The following TTC33 variants were observed in gnomAD, a reference collection of about 807,000 sequenced individuals.
TTC33 encodes tetratricopeptide repeat domain 33.
A neutral mutation model predicts 29.4 loss-of-function variants in TTC33; 24 were observed. The ratio of observed to expected loss-of-function variants is 0.82; its 90% confidence interval spans 0.59 to 1.15. The LOEUF (loss-of-function observed/expected upper bound fraction) is 1.15. Among genes scored for constraint, TTC33 ranks in the 50% most tolerant of loss-of-function variants. The pLI is 0.00. For missense variants in TTC33, 286 were observed against 310.4 expected (o/e 0.92, Z 0.59); for synonymous variants, 107 against 100.3 (o/e 1.07, Z -0.40).
intron 4 of TTC33, among the ~76,000 whole-genome samples, chr5:40,718,736 T>G (rs1415078990): frequency 6.7e-6 from 1 of 148,472 alleles, no homozygotes; most frequent in African/African-American, 2.5e-5. Context: ...AGATTCCGTC[T>G]CGAAAAAAAA....
intron 1 of TTC33, among the ~76,000 whole-genome samples, chr5:40,749,055 G>A (rs1006414657): frequency 6.6e-6 from 1 of 152,092 alleles, no homozygotes; most frequent in Admixed American, 6.5e-5. Context: ...GAACCCGGGA[G>A]GCGGAGGTTG....
intron 1 of TTC33, among the ~76,000 whole-genome samples, chr5:40,755,523 G>C (rs1398497697): frequency 1.3e-5 from 2 of 152,286 alleles, no homozygotes; most frequent in East Asian, 3.9e-4. Context: ...CCGTCCCACC[G>C]CTCAGGGAAG....
In TTC33 at chr5:40,728,443, C is replaced by G. The variant is rs750667702; in HGVS notation, c.337G>C (p.Val113Leu). Reference sequence around the variant, plus strand: ...TGGACGGCCATTTCTGCTGCATGTACTGCTGGGAACATTTCATGAAGAGAC... The same window carrying G: ...TGGACGGCCATTTCTGCTGCATGTAGTGCTGGGAACATTTCATGAAGAGAC... The part of the protein sequence containing the change: ...LMSLHEMFPA[V>L]HAAEMAVQQN... The change falls in exon 4 of 5, where the codon GTA (valine) becomes CTA (leucine). Residue 113 changes from valine (V) to leucine (L), a missense_variant. Val to Leu is a conservative substitution (Grantham distance 32). Transcript: ENST00000337702. 41 of 1,612,512 alleles carry G rather than the reference C, an allele frequency of 2.5e-5. No homozygotes were observed. Among genetic ancestry groups the G allele is most frequent in the Non-Finnish European group, 3.4e-5 (40 of 1,179,598 alleles).
At chr5:40,727,325 C>T (rs999055903) in intron 4 of TTC33, among the ~76,000 whole-genome samples, 5 of 152,116 alleles carry the variant, frequency 3.3e-5, no homozygotes, top group Admixed American at 2.0e-4. Context: ...AAATTTGGCA[C>T]TGTATATTAG....
At chr5:40,734,143 A>G (rs745793776) in intron 2 of TTC33, among the ~76,000 whole-genome samples, 5 of 152,174 alleles carry the variant, frequency 3.3e-5, no homozygotes, top group Non-Finnish European at 7.3e-5. Context: ...ACTATCATCA[A>G]CTTATTCAAT....
chr5:40,736,280 T>C (rs887644705), intron 2 of TTC33, among the ~76,000 whole-genome samples: 2 of 152,248 alleles, frequency 1.3e-5, no homozygotes, highest in African/African-American at 2.4e-5. Context: ...AAAACCACTG[T>C]CATTAAATAT....
chr5:40,737,873 T>C (rs1270084236), intron 2 of TTC33, among the ~76,000 whole-genome samples: 1 of 152,212 alleles, frequency 6.6e-6, no homozygotes, highest in African/African-American at 2.4e-5. Flanking sequence ...CCTTAGCATG[T>C]TTCTGAGATG....
chr5:40,737,987 TG>T (rs1417674208), intron 2 of TTC33, among the ~76,000 whole-genome samples: 2 of 152,256 alleles, frequency 1.3e-5, no homozygotes, highest in Non-Finnish European at 2.9e-5. Context: ...TCCCAGTTCA[TG>T]GACACTATTA....
chr5:40,754,135 T>C (rs147628340), intron 1 of TTC33, among the ~76,000 whole-genome samples: 2 of 152,142 alleles, frequency 1.3e-5, no homozygotes, highest in Admixed American at 6.5e-5. Flanking sequence ...CAACCATATG[T>C]GAAAAAACCA....
In TTC33 at chr5:40,734,454, T is replaced by A. The variant is rs576151079; in HGVS notation, c.222-4111A>T. 2.0e-5 allele frequency among the ~76,000 whole-genome samples: 3 copies of A among 152,304 alleles called. No individual in the cohort carries two copies. In the South Asian group the frequency reaches 6.2e-4, roughly 32 times the overall value. ...CAGTTTAAGGACAATCTTAACAGTA[T>A]GCAACTGAAGTAGCACAAGGAAGGA... is the stretch of plus-strand genomic sequence containing the variant. On this transcript the variant is annotated intron_variant, in intron 2 of 4. Transcript: ENST00000337702.
intron 4 of TTC33, among the ~76,000 whole-genome samples, chr5:40,722,720 G>A (rs1692252): frequency 0.33 from 49,332 of 151,024 alleles, 8,529 homozygotes; most frequent in East Asian, 0.56. Context: ...CCAGCGCCCC[G>A]TCCGGGAGGT....
At chr5:40,724,665 CAG>C (rs764712008) in intron 4 of TTC33, among the ~76,000 whole-genome samples, 5 of 151,116 alleles carry the variant, frequency 3.3e-5, no homozygotes, top group Non-Finnish European at 7.4e-5. Context: ...CAAAAAAAAA[CAG>C]AACAATAATA....
intron 2 of TTC33, among the ~76,000 whole-genome samples, chr5:40,730,767 G>A (rs1352241589): frequency 6.6e-6 from 1 of 152,046 alleles, no homozygotes; most frequent in East Asian, 1.9e-4. Flanking sequence ...ACTTACTAAA[G>A]TACAAAATCC....
rs1470993251 is a variant in TTC33 at position 40,712,902 on chromosome 5, C to A, written c.*3243G>T. On this transcript the variant is annotated 3_prime_UTR_variant, in exon 5 of 5. Transcript: ENST00000337702. ...ATGTTACAGTAGCTTTAGGGCCACACTTCTTCTTCCGAAGTAACCATATTT... is the reference window on the plus strand; with the variant it reads ...ATGTTACAGTAGCTTTAGGGCCACAATTCTTCTTCCGAAGTAACCATATTT... 6.6e-6 allele frequency among the ~76,000 whole-genome samples: 1 copy of A among 152,144 alleles called. No homozygotes were observed. The highest frequency in any genetic ancestry group is 2.4e-5 in the African/African-American group (1 of 41,444).
At chr5:40,747,648 T>A (rs1374191593) in intron 1 of TTC33, among the ~76,000 whole-genome samples, 1 of 151,954 alleles carries the variant, frequency 6.6e-6, no homozygotes, top group Non-Finnish European at 1.5e-5. Context: ...GAGATGCAGA[T>A]AGCAAAAAAC....
chr5:40,741,262 T>C (rs1742687404), intron 2 of TTC33, among the ~76,000 whole-genome samples: 1 of 152,212 alleles, frequency 6.6e-6, no homozygotes, highest in South Asian at 2.1e-4. Flanking sequence ...CTAGGGAAGG[T>C]CTGAAGTAGC....
chr5:40,732,168 G>T (rs1742445427), intron 2 of TTC33, among the ~76,000 whole-genome samples: 1 of 151,974 alleles, frequency 6.6e-6, no homozygotes, highest in South Asian at 2.1e-4. Context: ...TGCCACTATG[G>T]CCAGCTAATT....
intron 1 of TTC33, among the ~76,000 whole-genome samples, chr5:40,751,754 A>T (rs746794837): frequency 1.1e-4 from 17 of 152,126 alleles, no homozygotes; most frequent in Admixed American, 2.0e-4. Context: ...GTCAAGAGAT[A>T]GAGACCATCC....
intron 4 of TTC33, among the ~76,000 whole-genome samples, chr5:40,719,417 T>C (rs1185992789): frequency 6.6e-6 from 1 of 152,260 alleles, no homozygotes; most frequent in Admixed American, 6.5e-5. Flanking sequence ...TATTTCATTG[T>C]ATGGATATAC....
Sources: allele counts gnomAD v4.1 joint callset (sites outside exome capture counted in the v4.1 genomes callset), GRCh38; gene constraint gnomAD v4.1.1; transcripts MANE v1.5; gene names NCBI Gene and HGNC (gene_info 2026-07-23, HGNC 2026-07-21).